Variants in ZNF469 observed in about 807,000 individuals in gnomAD.
ZNF469 encodes zinc finger protein 469.
A neutral mutation model predicts 1.0 loss-of-function variants in ZNF469; 1 was observed. The ratio of observed to expected loss-of-function variants is 1.00; its 90% confidence interval spans 0.35 to 4.73. ZNF469 has a LOEUF of 4.73. Ranked by LOEUF, ZNF469 falls within the 30% of genes most tolerant of loss-of-function variation. The pLI is 0.16. For synonymous variants in ZNF469, 2,703 were observed against 2,363.4 expected (o/e 1.14, Z -4.17); for missense variants, 6,100 against 5,356.3 (o/e 1.14, Z -4.33).
In ZNF469 at chr16:88,438,215, C is replaced by T. The variant is rs988025998; in HGVS notation, c.10745C>T (p.Ala3582Val). Residue 3582 changes from alanine to valine, a missense_variant, in exon 3 of 3, where the codon GCT becomes GTT. By Grantham distance (64) the Ala-to-Val change is moderately conservative. Transcript: ENST00000565624. The stretch of plus-strand genomic sequence containing the variant: ...GCCCTGGAGAGGCCAGAGAACGAGG[C>T]TTCCCCAGGCAGCCCCGGGCCTCTT... ...DGALERPENE[A>V]SPGSPGPLLQ... 1 of 1,546,856 alleles carries T rather than the reference C, an allele frequency of 6.5e-7. No homozygotes were observed. Among genetic ancestry groups the T allele is most frequent in the Non-Finnish European group, 8.7e-7 (1 of 1,144,514 alleles).
the ZNF469 span, among the ~76,000 whole-genome samples, chr16:88,200,583 C>T: frequency 5.3e-5 from 8 of 152,248 alleles, no homozygotes; most frequent in South Asian, 2.1e-4. Context: ...CACCCTGCTC[C>T]GCCTAAGCTG....
chr16:88,194,501 T>C, the ZNF469 span: 3 of 152,276 alleles, frequency 2.0e-5, no homozygotes, highest in Admixed American at 6.5e-5. Flanking sequence ...GCCTATGGCT[T>C]TGGGCACCAG....
In ZNF469 at chr16:88,430,648, AGGCGCCACC is replaced by A. The variant is rs1362241779; in HGVS notation, c.3183_3191del (p.His1062_Arg1064del). ...TCTGAAGATCGTGCAGCAGAAGAACAGGCGCCACCGGCGGCTGGGGCGGCGGGCGGGCAG... is the reference window on the plus strand; with the variant it reads ...TCTGAAGATCGTGCAGCAGAAGAACAGGCGGCTGGGGCGGCGGGCGGGCAG... On this transcript the variant is annotated inframe_deletion, in exon 3 of 3. Transcript: ENST00000565624. 4.7e-6 allele frequency: 7 copies of A among 1,494,590 alleles called. No homozygotes were observed. The highest frequency in any genetic ancestry group is 3.8e-5 in the South Asian group (3 of 79,590). The allele number at this position is 1,494,590 out of a possible 1,614,324, so 92.6% of individuals were successfully genotyped here.
the ZNF469 span, among the ~76,000 whole-genome samples, chr16:88,231,811 C>T: frequency 2.0e-5 from 3 of 152,298 alleles, no homozygotes; most frequent in South Asian, 2.1e-4. The surrounding 1 kb of genome is among the most constrained non-coding windows in gnomAD (Gnocchi z 4.5). Flanking sequence ...TGCTCAGTCA[C>T]GTCTGCATGT....
chr16:88,240,767 C>T, the ZNF469 span, among the ~76,000 whole-genome samples: 2 of 152,146 alleles, frequency 1.3e-5, no homozygotes, highest in African/African-American at 4.8e-5. Context: ...CGGGCAACCG[C>T]GAGTTGGTTT....
In ZNF469 at chr16:88,431,114, C is replaced by T. The variant is rs1906144314; in HGVS notation, c.3644C>T (p.Thr1215Ile). 2 of 1,550,298 alleles carry T rather than the reference C, an allele frequency of 1.3e-6. No individual in the cohort carries two copies. Among genetic ancestry groups the T allele is most frequent in the Non-Finnish European group, 8.7e-7 (1 of 1,146,952 alleles). Residue 1215 changes from threonine (T) to isoleucine (I), a missense_variant, in exon 3 of 3, where the codon ACC becomes ATC. Physicochemically the swap from Thr to Ile is moderately conservative, Grantham distance 89 (BLOSUM62 -1). Coordinates refer to ENST00000565624, the MANE Select transcript of ZNF469 (RefSeq NM_001367624.2). ...VPTNTETSEE[T>I]RPSLDFPQEA... ...ACCAACACCGAGACCTCAGAGGAAA[C>T]CCGCCCGTCGCTGGACTTTCCCCAG...
the ZNF469 span, among the ~76,000 whole-genome samples, chr16:88,277,008 C>T: frequency 6.6e-6 from 1 of 151,448 alleles, no homozygotes; most frequent in South Asian, 2.1e-4. Context: ...ATCATTAGTG[C>T]TGTGCCACGC....
At chr16:88,389,147 C>T (rs988419703) in intron 1 of ZNF469, among the ~76,000 whole-genome samples, 1 of 152,200 alleles carries the variant, frequency 6.6e-6, no homozygotes, top group African/African-American at 2.4e-5. Context: ...CAAAAAAAAC[C>T]CTGTGCCCAT....
chr16:88,411,165 G>T (rs946473608), intron 1 of ZNF469, among the ~76,000 whole-genome samples: 3 of 152,112 alleles, frequency 2.0e-5, no homozygotes, highest in African/African-American at 7.2e-5. Context: ...GCTTTTGGGG[G>T]ACACACCTCA....
At chr16:88,359,403 C>A in the ZNF469 span, among the ~76,000 whole-genome samples, 2 of 144,588 alleles carry the variant, frequency 1.4e-5, no homozygotes, top group South Asian at 2.2e-4. Context: ...GAGTGTCCCG[C>A]GGGCTCGGTA....
the ZNF469 span, among the ~76,000 whole-genome samples, chr16:88,128,149 C>T: frequency 7.9e-5 from 12 of 152,102 alleles, no homozygotes; most frequent in African/African-American, 2.9e-4. Flanking sequence ...ACCCAGATGG[C>T]GAGACGGCAC....
At chr16:88,329,330 C>A in the ZNF469 span, among the ~76,000 whole-genome samples, 1 of 152,218 alleles carries the variant, frequency 6.6e-6, no homozygotes, top group Non-Finnish European at 1.5e-5. Flanking sequence ...AGTATTGATC[C>A]AGATGTGGAC....
At chr16:88,250,990 G>A in the ZNF469 span, among the ~76,000 whole-genome samples, 1 of 152,256 alleles carries the variant, frequency 6.6e-6, no homozygotes, top group Non-Finnish European at 1.5e-5. Context: ...CGATTCTCCT[G>A]CCTCAGCCTC....
Position 88,436,517 on chromosome 16 carries a change from T to C in ZNF469, c.9047T>C (p.Val3016Ala), listed in dbSNP as rs765473138. The C allele has an allele frequency of 6.5e-7, 1 of 1,548,926 alleles. No individual in the cohort carries two copies. The highest frequency in any genetic ancestry group is 1.2e-5 in the South Asian group (1 of 84,060). ...GACTCCTCCTCTTCTCTCGGAGATG[T>C]GAGCCCCGAGCCCCCCAGCCTGGAG... Reference protein sequence around the residue: ...ADDSSSSLGDVSPEPPSLERE... With the variant: ...ADDSSSSLGDASPEPPSLERE... Residue 3016 changes from valine to alanine, a missense_variant, in exon 3 of 3, where the codon GTG becomes GCG. Transcript: ENST00000565624.
At chr16:88,129,915 C>T in the ZNF469 span, among the ~76,000 whole-genome samples, 7 of 152,214 alleles carry the variant, frequency 4.6e-5, no homozygotes, top group East Asian at 3.8e-4. Context: ...GAAGCCCCTC[C>T]GAGGGAATCC....
rs371449478 is a variant in ZNF469, at chr16:88,432,723, G to C, written c.5253G>C (p.Lys1751Asn). 1.9e-6 allele frequency: 3 copies of C among 1,550,292 alleles called. No homozygotes were observed. The highest frequency in any genetic ancestry group is 2.6e-6 in the Non-Finnish European group (3 of 1,146,974). Residue 1751 changes from lysine to asparagine, a missense_variant, in exon 3 of 3, where the codon AAG (lysine) becomes AAC (asparagine). Coordinates refer to ENST00000565624, the MANE Select transcript of ZNF469 (RefSeq NM_001367624.2). ...CCGACCAGGAACTTTCATTTCCTAA[G>C]AATAAGGAGGCCGCCAGCTCACAAG... ...CSPDQELSFP[K>N]NKEAASSQES...
At chr16:88,209,399 T>G in the ZNF469 span, among the ~76,000 whole-genome samples, 1 of 152,016 alleles carries the variant, frequency 6.6e-6, no homozygotes. Flanking sequence ...CATGCCATTC[T>G]CCTGTCTCAG....
intron 1 of ZNF469, among the ~76,000 whole-genome samples, chr16:88,416,713 G>C (rs932689150): frequency 2.0e-5 from 3 of 152,232 alleles, no homozygotes; most frequent in African/African-American, 7.2e-5. Context: ...GGTTGTTTTA[G>C]GGGAGGGATG....
At chr16:88,192,606 A>G in the ZNF469 span, among the ~76,000 whole-genome samples, 1 of 152,290 alleles carries the variant, frequency 6.6e-6, no homozygotes, top group Admixed American at 6.5e-5. Flanking sequence ...CCACAGTCCA[A>G]GTCACACATG....
Sources: allele counts gnomAD v4.1 joint callset (sites outside exome capture counted in the v4.1 genomes callset), GRCh38; gene constraint gnomAD v4.1.1; non-coding constraint Gnocchi (gnomAD v3.1); transcripts MANE v1.5; gene names NCBI Gene and HGNC (gene_info 2026-07-23, HGNC 2026-07-21).